The following TMEM132C variants were observed in gnomAD, a reference collection of about 807,000 sequenced individuals.
TMEM132C encodes the protein transmembrane protein 132C.
TMEM132C carries 29 observed loss-of-function variants against 61.4 expected under a neutral mutation model. The observed-to-expected ratio is 0.47, with a 90% CI of 0.35 to 0.64. TMEM132C has a LOEUF of 0.64. Ranked by LOEUF, TMEM132C falls within the 30% of genes least tolerant of loss-of-function variation. The pLI, the probability that TMEM132C is intolerant of heterozygous loss-of-function variation, is 0.00. For missense variants in TMEM132C, 1,408 were observed against 1,476.9 expected, an observed-to-expected ratio of 0.95 and a Z score of 0.76; for synonymous variants, 656 against 633.1, an observed-to-expected ratio of 1.04 and a Z score of -0.54.
At chr12:128,597,778 G>A (rs73426501) in intron 3 of TMEM132C, among the ~76,000 whole-genome samples, 9,680 of 152,246 alleles carry the variant, frequency 0.064, 997 homozygotes, top group African/African-American at 0.21. Flanking sequence ...GCCTAGCAAT[G>A]TGATAGTTTC....
At chr12:128,269,039 G>C (rs1169742553) in intron 1 of TMEM132C, among the ~76,000 whole-genome samples, 1 of 151,906 alleles carries the variant, frequency 6.6e-6, no homozygotes, top group African/African-American at 2.4e-5. Flanking sequence ...AGAGTCAACA[G>C]TCACGATCTG....
intron 3 of TMEM132C, among the ~76,000 whole-genome samples, chr12:128,559,269 C>T (rs1874435402): frequency 6.6e-6 from 1 of 152,080 alleles, no homozygotes; most frequent in South Asian, 2.1e-4. Flanking sequence ...CATGTTAGTA[C>T]ATAAAGTTCT....
intron 1 of TMEM132C, among the ~76,000 whole-genome samples, chr12:128,285,947 TTCTC>T (rs58885213): frequency 2.2e-5 from 1 of 44,840 alleles, no homozygotes; most frequent in African/African-American, 1.4e-4. Context: ...CTTTCTCTCT[TTCTC>T]TCTCTCCCCA....
chr12:128,406,797 T>C (rs1713588), intron 1 of TMEM132C, among the ~76,000 whole-genome samples: 125,283 of 152,222 alleles, frequency 0.82, 53,989 homozygotes, highest in East Asian at 1. Context: ...GCTCATGCAC[T>C]TGGGAGGCAG....
intron 4 of TMEM132C, among the ~76,000 whole-genome samples, chr12:128,639,442 A>G (rs1954138649): frequency 6.7e-6 from 1 of 149,908 alleles, no homozygotes; most frequent in South Asian, 2.1e-4. Flanking sequence ...AATGATGGTG[A>G]TGATAATCAT....
chr12:128,359,158 C>T (rs1278419843), intron 1 of TMEM132C, among the ~76,000 whole-genome samples: 1 of 152,188 alleles, frequency 6.6e-6, no homozygotes, highest in African/African-American at 2.4e-5. Flanking sequence ...GTCATTGTAC[C>T]TGCTTTGCTG....
chr12:128,698,188 A>G (rs894689769), intron 8 of TMEM132C, among the ~76,000 whole-genome samples: 11 of 115,598 alleles, frequency 9.5e-5, no homozygotes, highest in South Asian at 8.9e-4. Flanking sequence ...AGAATTGACC[A>G]TCACAGGGCC....
chr12:128,470,872 T>G (rs1205389059), intron 2 of TMEM132C, among the ~76,000 whole-genome samples: 2 of 152,242 alleles, frequency 1.3e-5, no homozygotes, highest in Non-Finnish European at 2.9e-5. Context: ...AATAAAACTT[T>G]ATTTACACAC....
Position 128,497,278 on chromosome 12 carries a change from A to C in TMEM132C, c.975-46679A>C, listed in dbSNP as rs201148620. Among the ~76,000 whole-genome samples, 15 of 152,348 alleles carry C rather than the reference A, an allele frequency of 9.8e-5. 1 individual carries two copies. In the East Asian group the frequency reaches 2.5e-3, roughly 25 times the overall value. On this transcript the variant is annotated intron_variant, in intron 2 of 8. Coordinates refer to ENST00000435159, the MANE Select transcript of TMEM132C (RefSeq NM_001136103.3). Reference sequence around the variant, plus strand: ...CCTCCCAGTTAGGCTACTCGGGGTCAGGGACCCACTTGAGGAGGTAGTCTG... The same window carrying C: ...CCTCCCAGTTAGGCTACTCGGGGTCCGGGACCCACTTGAGGAGGTAGTCTG...
chr12:128,347,722 C>A (rs1453907159), intron 1 of TMEM132C, among the ~76,000 whole-genome samples: 2 of 152,224 alleles, frequency 1.3e-5, no homozygotes, highest in African/African-American at 4.8e-5. Context: ...GCCACCACGC[C>A]CAGCCTGCAT....
intron 1 of TMEM132C, among the ~76,000 whole-genome samples, chr12:128,367,628 C>A (rs1873908177): frequency 6.6e-6 from 1 of 152,106 alleles, no homozygotes; most frequent in Admixed American, 6.6e-5. Flanking sequence ...TAGACCTTCC[C>A]TGTCCAGTGC....
At chr12:128,337,359 G>A (rs1026057696) in intron 1 of TMEM132C, among the ~76,000 whole-genome samples, 1 of 152,132 alleles carries the variant, frequency 6.6e-6, no homozygotes. Flanking sequence ...TGTTGTGTTC[G>A]CAGTTCAGCC....
chr12:128,571,313 A>G (rs1874875174), intron 3 of TMEM132C, among the ~76,000 whole-genome samples: 1 of 152,214 alleles, frequency 6.6e-6, no homozygotes, highest in Non-Finnish European at 1.5e-5. Context: ...TTAGGTTTCT[A>G]GAGTGTTCAG....
rs555706065 is a variant in TMEM132C, at chr12:128,460,499, C to A, written c.974+44879C>A. Among the ~76,000 whole-genome samples, 9 of 152,272 alleles carry A rather than the reference C, an allele frequency of 5.9e-5. No homozygotes were observed. In the South Asian group the frequency reaches 1.5e-3, roughly 25 times the overall value. ...TTCCTGAACCAATTCCTGTGAATGACTTTACCTGGCTTTAGTATCGTTCTC... is the reference window on the plus strand; with the variant it reads ...TTCCTGAACCAATTCCTGTGAATGAATTTACCTGGCTTTAGTATCGTTCTC... On this transcript the variant is annotated intron_variant, in intron 2 of 8. Coordinates refer to ENST00000435159, the MANE Select transcript of TMEM132C (RefSeq NM_001136103.3).
At chr12:128,696,408 T>A (rs1954764609) in intron 7 of TMEM132C, among the ~76,000 whole-genome samples, 1 of 152,138 alleles carries the variant, frequency 6.6e-6, no homozygotes, top group Admixed American at 6.5e-5. Flanking sequence ...CTTTTCTAAC[T>A]TTTTCCCCCT....
chr12:128,495,814 AGC>A (rs1871931683), intron 2 of TMEM132C, among the ~76,000 whole-genome samples: 1 of 151,942 alleles, frequency 6.6e-6, no homozygotes. Flanking sequence ...TTTTAATTGG[AGC>A]ATTTAGCCCA....
intron 5 of TMEM132C, among the ~76,000 whole-genome samples, chr12:128,675,825 T>G (rs910173875): frequency 2.0e-5 from 3 of 147,328 alleles, no homozygotes; most frequent in Non-Finnish European, 3.0e-5. Context: ...AGATGGTAGA[T>G]TTAGATAGAT....
intron 1 of TMEM132C, among the ~76,000 whole-genome samples, chr12:128,292,475 T>C (rs941389799): frequency 1.3e-5 from 2 of 152,138 alleles, no homozygotes; most frequent in African/African-American, 4.8e-5. Flanking sequence ...CTCGTGGGCA[T>C]AGATTTTGTC....
chr12:128,513,883 C>G (rs1016697724), intron 2 of TMEM132C, among the ~76,000 whole-genome samples: 1 of 152,198 alleles, frequency 6.6e-6, no homozygotes, highest in Non-Finnish European at 1.5e-5. Context: ...AAAAAGTGAT[C>G]AAGACGGAGC....
Sources: gnomAD v4.1 joint callset for allele counts (sites outside exome capture counted in the v4.1 genomes callset) on GRCh38, gnomAD v4.1.1 for gene constraint, MANE v1.5 for transcripts, NCBI Gene and HGNC (gene_info 2026-07-23, HGNC 2026-07-21) for gene names.